The following PIEZO2 variants were observed in gnomAD, a reference collection of about 807,000 sequenced individuals.
The protein encoded by PIEZO2 is piezo type mechanosensitive ion channel component 2.
A neutral mutation model predicts 337.3 loss-of-function variants in PIEZO2; 172 were observed. The observed-to-expected ratio is 0.51, with a 90% CI of 0.45 to 0.58. The LOEUF (loss-of-function observed/expected upper bound fraction) is 0.58, where lower values mean the gene tolerates loss of function less well. Among genes scored for constraint, PIEZO2 ranks in the 20% least tolerant of loss-of-function variants. The pLI, the probability that PIEZO2 is intolerant of heterozygous loss-of-function variation, is 0.00. For synonymous variants in PIEZO2, 1,251 were observed against 1,228.5 expected, an observed-to-expected ratio of 1.02 and a Z score of -0.38; for missense variants, 3,028 against 3,391.3, an observed-to-expected ratio of 0.89 and a Z score of 2.66.
At chr18:10,972,793 C>A (rs147330254) in intron 3 of PIEZO2, among the ~76,000 whole-genome samples, 5 of 152,102 alleles carry the variant, frequency 3.3e-5, no homozygotes, top group Non-Finnish European at 7.4e-5. Context: ...CAGTGTATGA[C>A]CTTGGGCAAG....
intron 7 of PIEZO2, among the ~76,000 whole-genome samples, chr18:10,852,587 T>G (rs186519845): frequency 6.0e-4 from 92 of 152,348 alleles, no homozygotes; most frequent in Non-Finnish European, 1.1e-3. Flanking sequence ...ACACATTCTG[T>G]CTTTATAATT....
At chr18:11,040,380 T>A (rs1163475867) in intron 2 of PIEZO2, among the ~76,000 whole-genome samples, 1 of 152,174 alleles carries the variant, frequency 6.6e-6, no homozygotes, top group Admixed American at 6.5e-5. Flanking sequence ...TAAGAAAATA[T>A]CCAATAAAGG....
chr18:10,958,693 C>T lies in PIEZO2; in HGVS notation c.286+20842G>A, dbSNP rs1218351039. ...CTCAATTAAAAATAAATTTAAACAA[C>T]AATAATGCCTGTCAGTTTTGCCTTA... is the stretch of plus-strand genomic sequence containing the variant. On this transcript the variant is annotated intron_variant, in intron 3 of 55. Coordinates refer to ENST00000674853, the MANE Select transcript of PIEZO2 (RefSeq NM_001378183.1). Among the ~76,000 whole-genome samples, 3 of 152,176 alleles carry T rather than the reference C, an allele frequency of 2.0e-5. No homozygotes were observed. In the East Asian group the frequency reaches 5.8e-4, roughly 29 times the overall value.
rs1030242286 is a variant in PIEZO2 at position 11,069,769 on chromosome 18, A to G, written c.65-3547T>C. Reference sequence around the variant, plus strand: ...TTGCAGATGACATGATCTTATATTAAGAAAACCCTAAAGATTCAACCAAAA... The same window carrying G: ...TTGCAGATGACATGATCTTATATTAGGAAAACCCTAAAGATTCAACCAAAA... On this transcript the variant is annotated intron_variant, in intron 1 of 55. Transcript: ENST00000674853. This position sits in a 1 kb window ranked among gnomAD's most constrained non-coding sequence, Gnocchi z 4.9. Among the ~76,000 whole-genome samples the G allele has an allele frequency of 3.3e-5, 5 of 152,262 alleles. No homozygotes were observed. The highest frequency in any genetic ancestry group is 1.2e-4 in the African/African-American group (5 of 41,474).
chr18:10,684,315 G>A (rs371256920), intron 49 of PIEZO2, among the ~76,000 whole-genome samples: 25 of 105,666 alleles, frequency 2.4e-4, no homozygotes, highest in East Asian at 1.4e-3. Flanking sequence ...ACAGGTGCCC[G>A]CCACCATGCC....
chr18:11,071,793 A>G (rs1325074931), intron 1 of PIEZO2, among the ~76,000 whole-genome samples: 2 of 152,178 alleles, frequency 1.3e-5, no homozygotes, highest in Non-Finnish European at 1.5e-5. Context: ...GTGCAAGCAG[A>G]GGCCTCCAGG....
In PIEZO2 at chr18:10,863,030, T is replaced by C. The variant is rs947247315; in HGVS notation, c.493-5819A>G. On this transcript the variant is annotated intron_variant, in intron 5 of 55. Coordinates refer to ENST00000674853, the MANE Select transcript of PIEZO2 (RefSeq NM_001378183.1). This position sits in a 1 kb window ranked among gnomAD's most constrained non-coding sequence, Gnocchi z 4.3. ...TTCTTCATGGTTAAAACCAAGCTTT[T>C]AAAAACATTTCTATAGAAGTGTATC... Among the ~76,000 whole-genome samples the C allele has an allele frequency of 1.3e-5, 2 of 152,178 alleles. No individual in the cohort carries two copies. The highest frequency in any genetic ancestry group is 4.8e-5 in the African/African-American group (2 of 41,436).
At chr18:11,124,042 C>A (rs555007340) in intron 1 of PIEZO2, among the ~76,000 whole-genome samples, 2 of 152,198 alleles carry the variant, frequency 1.3e-5, no homozygotes, top group African/African-American at 2.4e-5. Flanking sequence ...AAACACATAC[C>A]ATTTTTACTT....
At chr18:11,120,886 T>A (rs1269820386) in intron 1 of PIEZO2, among the ~76,000 whole-genome samples, 1 of 152,252 alleles carries the variant, frequency 6.6e-6, no homozygotes, top group African/African-American at 2.4e-5. Flanking sequence ...CAATTTTTTT[T>A]AAGTCACAAA....
chr18:11,039,388 A>C (rs903420771), intron 2 of PIEZO2, among the ~76,000 whole-genome samples: 2 of 152,194 alleles, frequency 1.3e-5, no homozygotes, highest in African/African-American at 4.8e-5. Context: ...AAGATATTAG[A>C]GACATCGTTT....
chr18:10,674,642 T>A lies in PIEZO2; in HGVS notation c.8161+567A>T, dbSNP rs992984919. Among the ~76,000 whole-genome samples the A allele has an allele frequency of 2.6e-5, 4 of 152,366 alleles. No individual in the cohort carries two copies. The East Asian group carries it at 5.8e-4, about 22-fold the overall frequency. On this transcript the variant is annotated intron_variant, in intron 54 of 55. Coordinates refer to ENST00000674853, the MANE Select transcript of PIEZO2 (RefSeq NM_001378183.1). ...GGAGAATGAATTAATGTGTGCCAGA[T>A]AACTGCACTGGTTTTCCGCGTTGTC...
chr18:10,752,164 T>G (rs531215503), intron 28 of PIEZO2, among the ~76,000 whole-genome samples: 13 of 152,280 alleles, frequency 8.5e-5, no homozygotes, highest in African/African-American at 2.6e-4. Flanking sequence ...TCCACCTCAT[T>G]CCCTACTCCA....
rs1158874460 is a variant in PIEZO2 at position 11,101,876 on chromosome 18, AG to A, written c.65-35655del. 6.6e-6 allele frequency among the ~76,000 whole-genome samples: 1 copy of A among 152,204 alleles called. No homozygotes were observed. The highest frequency in any genetic ancestry group is 1.5e-5 in the Non-Finnish European group (1 of 68,040). On this transcript the variant is annotated intron_variant, in intron 1 of 55. Transcript: ENST00000674853. This position sits in a 1 kb window ranked among gnomAD's most constrained non-coding sequence, Gnocchi z 4.4. ...GTACTCTTGTACTATACTACTTATA[AG>A]CTATCAAATTTGAAACCACACACTA...
chr18:10,678,910 T>C (rs1169352807), intron 52 of PIEZO2, among the ~76,000 whole-genome samples: 1 of 150,486 alleles, frequency 6.6e-6, no homozygotes, highest in Middle Eastern at 3.2e-3. Flanking sequence ...AGTGATAATA[T>C]GGGCCTCCAG....
intron 4 of PIEZO2, among the ~76,000 whole-genome samples, chr18:10,910,507 C>G (rs1598669775): frequency 6.6e-6 from 1 of 151,950 alleles, no homozygotes; most frequent in Non-Finnish European, 1.5e-5. Context: ...CACTTGAACC[C>G]AGGAGGCAGA....
intron 1 of PIEZO2, among the ~76,000 whole-genome samples, chr18:11,087,642 T>TCACTCTG: frequency 6.6e-6 from 1 of 152,212 alleles, no homozygotes; most frequent in Admixed American, 6.5e-5. Context: ...CATCACCTAA[T>TCACTCTG]CACTCTGCAT....
intron 30 of PIEZO2, 94 bp from the exon 31 acceptor site, chr18:10,744,325 C>T: frequency 1.2e-6 from 1 of 807,740 alleles, no homozygotes; most frequent in Non-Finnish European, 2.0e-6. Context: ...GAAAACATAA[C>T]ATCTCTTAAT....
chr18:11,016,730 T>C lies in PIEZO2; in HGVS notation c.161-37070A>G, dbSNP rs374081481. ...AAAAACTCCATCAAATAATGTAATG[T>C]TTTTTCACTGGAGGCAAATTCCTTC... On this transcript the variant is annotated intron_variant, in intron 2 of 55. Transcript: ENST00000674853. The surrounding 1 kb of genome is among the most constrained non-coding windows in gnomAD (Gnocchi z 5.6). Among the ~76,000 whole-genome samples the C allele has an allele frequency of 1.7e-3, 266 of 152,264 alleles. No individual in the cohort carries two copies. The highest frequency in any genetic ancestry group is 6.2e-3 in the African/African-American group (257 of 41,556).
chr18:10,884,941 T>G lies in PIEZO2; in HGVS notation c.330-13526A>C, dbSNP rs150825573. Among the ~76,000 whole-genome samples, 448 of 152,104 alleles carry G rather than the reference T, an allele frequency of 2.9e-3. 3 individuals are homozygous for G. The highest frequency in any genetic ancestry group is 5.3e-3 in the Non-Finnish European group (360 of 68,004). Reference sequence around the variant, plus strand: ...ACAAACTGGACCCATTCCTTCTCATTTATTTCCACAAATATGTGTGAGCGT... The same window carrying G: ...ACAAACTGGACCCATTCCTTCTCATGTATTTCCACAAATATGTGTGAGCGT... On this transcript the variant is annotated intron_variant, in intron 4 of 55. Coordinates refer to ENST00000674853, the MANE Select transcript of PIEZO2 (RefSeq NM_001378183.1).
Sources: gnomAD v4.1 joint callset for allele counts (sites outside exome capture counted in the v4.1 genomes callset) on GRCh38, gnomAD v4.1.1 for gene constraint, Gnocchi (gnomAD v3.1) non-coding constraint, MANE v1.5 for transcripts, NCBI Gene and HGNC (gene_info 2026-07-23, HGNC 2026-07-21) for gene names.